The following HOPX variants were observed in gnomAD, a reference collection of about 807,000 sequenced individuals.
HOPX encodes HOP homeobox.
In HOPX, 5 loss-of-function variants were observed where a neutral mutation model predicts 11.8. The observed-to-expected ratio is 0.43, with a 90% CI of 0.22 to 0.89. HOPX has a LOEUF of 0.89. HOPX is among the 40% of genes least tolerant of loss of function. The probability of loss-of-function intolerance (pLI) is 0.28; values close to 1 mark genes in which losing one functional copy is unlikely to be tolerated. For missense variants in HOPX, 119 were observed against 120.0 expected (o/e 0.99, Z 0.04); for synonymous variants, 49 against 49.7 (o/e 0.99, Z 0.06).
chr4:56,656,024 G>A lies in HOPX; in HGVS notation c.43-12C>T. On this transcript the variant is annotated splice_polypyrimidine_tract_variant and intron_variant, in intron 2 of 3. Coordinates refer to ENST00000420433, the MANE Select transcript of HOPX (RefSeq NM_032495.6). ...ATGGTCCCTGCGCGCTGCGGGGCAG[G>A]GAGAAGCGGCGGCGGTGAGCGAGGC... 13 of 1,564,340 alleles carry A rather than the reference G, an allele frequency of 8.3e-6. No homozygotes were observed. Among genetic ancestry groups the A allele is most frequent in the Non-Finnish European group, 1.0e-5 (12 of 1,155,240 alleles).
chr4:56,672,012 A>G (rs1413828862), intron 1 of HOPX, among the ~76,000 whole-genome samples: 1 of 152,096 alleles, frequency 6.6e-6, no homozygotes. Context: ...CTACATAAAT[A>G]CAAGGTACCA....
chr4:56,665,635 A>G (rs1002478299), intron 1 of HOPX: 1 of 152,204 alleles, frequency 6.6e-6, no homozygotes, highest in Non-Finnish European at 1.5e-5. Flanking sequence ...TAGTGACAAC[A>G]TATTTGTTGA....
chr4:56,655,806 GGCTCAGCC>G (rs144818228), intron 3 of HOPX, 43 bp downstream of exon 3: 707,516 of 1,587,638 alleles, frequency 0.45, 161,698 homozygotes, highest in African/African-American at 0.64. Flanking sequence ...GCCGCGAGAA[GGCTCAGCC>G]CAGGCAGGGG....
At chr4:56,656,049 C>A (rs1356439120) in intron 2 of HOPX, 37 bp from the exon 3 acceptor site, 4 of 1,508,198 alleles carry the variant, frequency 2.7e-6, no homozygotes, top group Admixed American at 2.0e-5. Context: ...GTGAGCGAGG[C>A]GTGGAGCGGG....
rs551172551 is a variant in HOPX at position 56,674,289 on chromosome 4, TA to T, written c.-84+6965del. ...TTAGCCACTGAATTAAAGTTTTTTG[TA>T]AAACAGATTTCACTCCTGGCACCAG... On this transcript the variant is annotated intron_variant, in intron 1 of 3. Coordinates refer to ENST00000420433, the MANE Select transcript of HOPX (RefSeq NM_032495.6). Among the ~76,000 whole-genome samples the T allele has an allele frequency of 1.9e-3, 284 of 151,844 alleles. 11 individuals are homozygous for T. The highest frequency in any genetic ancestry group is 6.5e-3 in the African/African-American group (269 of 41,098).
intron 2 of HOPX, among the ~76,000 whole-genome samples, chr4:56,657,385 G>C (rs1717819918): frequency 6.6e-6 from 1 of 152,142 alleles, no homozygotes. Flanking sequence ...GTTGTGATGT[G>C]GTTTGTGCCT....
At chr4:56,677,898 C>T (rs1229890317) in intron 1 of HOPX, among the ~76,000 whole-genome samples, 1 of 151,666 alleles carries the variant, frequency 6.6e-6, no homozygotes, top group African/African-American at 2.4e-5. Flanking sequence ...TTGGCTGTCC[C>T]CCAGAACAGA....
intron 1 of HOPX, chr4:56,681,030 CA>C (rs1308162297): frequency 1.0e-6 from 1 of 985,196 alleles, no homozygotes; most frequent in African/African-American, 1.7e-5. Context: ...CCCCTTCCTC[CA>C]AATTCCCCTC....
At chr4:56,660,548 A>G (rs977951440) in intron 1 of HOPX, among the ~76,000 whole-genome samples, 1 of 151,862 alleles carries the variant, frequency 6.6e-6, no homozygotes, top group African/African-American at 2.4e-5. Context: ...AGCATTTATG[A>G]CTTTGGGATT....
chr4:56,659,823 A>G (rs1005203515), intron 1 of HOPX, among the ~76,000 whole-genome samples: 1 of 152,254 alleles, frequency 6.6e-6, no homozygotes, highest in Non-Finnish European at 1.5e-5. Flanking sequence ...ATATCATCTT[A>G]ACATTTAAGT....
chr4:56,665,825 A>G (rs1292885787), intron 1 of HOPX: 2 of 152,058 alleles, frequency 1.3e-5, no homozygotes, highest in Non-Finnish European at 2.9e-5. Flanking sequence ...CCAAATCACA[A>G]ATCTAGTATG....
intron 3 of HOPX, 23 bp downstream of exon 3, chr4:56,655,834 G>A (rs1465378099): frequency 2.5e-6 from 4 of 1,606,466 alleles, no homozygotes; most frequent in African/African-American, 2.7e-5. Context: ...GTCGGGGCGC[G>A]CTGGGCGCGT....
In HOPX at chr4:56,655,967, C is replaced by A. The variant is rs373175355; in HGVS notation, c.88G>T (p.Asp30Tyr). 9.2e-5 allele frequency: 148 copies of A among 1,610,588 alleles called. No individual in the cohort carries two copies. Among genetic ancestry groups the A allele is most frequent in the Non-Finnish European group, 1.3e-4 (148 of 1,178,672 alleles). Residue 30 changes from aspartate to tyrosine, a missense_variant, in exon 3 of 4, where the codon GAC (aspartate) becomes TAC (tyrosine). By Grantham distance (160) the Asp-to-Tyr change is radical. Transcript: ENST00000420433. The stretch of plus-strand genomic sequence containing the variant: ...TTGTACTCCAGGATTTCCACCTGGT[C>A]CTCTGTGGGGCCGCTCGCGGTCTCC... ...SAETASGPTE[D>Y]QVEILEYNFN...
intron 1 of HOPX, among the ~76,000 whole-genome samples, chr4:56,661,567 C>A (rs957687226): frequency 2.0e-5 from 3 of 152,212 alleles, no homozygotes; most frequent in Non-Finnish European, 4.4e-5. Flanking sequence ...ACACCCCTTA[C>A]CACCAGTGTA....
intron 3 of HOPX, among the ~76,000 whole-genome samples, chr4:56,653,074 A>C (rs1717361849): frequency 1.3e-5 from 2 of 152,170 alleles, no homozygotes; most frequent in Admixed American, 6.5e-5. Context: ...CTCCCTCTGT[A>C]ACCCAGGCTA....
At chr4:56,679,478 C>CT (rs71194117) in intron 1 of HOPX, 225 of 143,990 alleles carry the variant, frequency 1.6e-3, no homozygotes, top group East Asian at 2.0e-3. Flanking sequence ...TTCTTTCTTT[C>CT]TTTTTTTTTT....
chr4:56,679,073 C>G (rs1719178513), intron 1 of HOPX: 1 of 152,130 alleles, frequency 6.6e-6, no homozygotes, highest in Admixed American at 6.6e-5. Context: ...GCCTGGGCAA[C>G]ATAGCAAAAC....
chr4:56,672,686 G>C (rs1718802228), intron 1 of HOPX: 1 of 152,046 alleles, frequency 6.6e-6, no homozygotes, highest in African/African-American at 2.4e-5. Context: ...GTAGAGACAA[G>C]TTTTTGCCAT....
At chr4:56,655,738 G>T in intron 3 of HOPX, 119 bp downstream of exon 3, 1 of 1,190,822 alleles carries the variant, frequency 8.4e-7, no homozygotes, top group Non-Finnish European at 1.2e-6. Context: ...GGGCAGAAGC[G>T]ATGGGAGATC....
Sources: allele counts gnomAD v4.1 joint callset (sites outside exome capture counted in the v4.1 genomes callset), GRCh38; gene constraint gnomAD v4.1.1; transcripts MANE v1.5; gene names NCBI Gene and HGNC (gene_info 2026-07-23, HGNC 2026-07-21).